SMARCA4: variants seen among roughly 807,000 people sequenced by gnomAD.
SMARCA4 encodes SWI/SNF-related matrix-associated actin-dependent regulator of chromatin subfamily A member 4.
SMARCA4 carries 31 observed loss-of-function variants against 193.9 expected under a neutral mutation model. The observed-to-expected ratio is 0.16, with a 90% CI of 0.12 to 0.22. The LOEUF is 0.22. Ranked by LOEUF, SMARCA4 falls within the 10% of genes least tolerant of loss-of-function variation. The pLI is 1.00. For missense variants in SMARCA4, 1,148 were observed against 2,296.0 expected (o/e 0.50, Z 10.22); for synonymous variants, 942 against 933.1 (o/e 1.01, Z -0.17).
At chr19:11,059,015 C>T (rs2076705757) in intron 32 of SMARCA4, 126 bp downstream of exon 32, 2 of 770,550 alleles carry the variant, frequency 2.6e-6, no homozygotes, top group African/African-American at 1.7e-5. Flanking sequence ...TGGTTCGTGC[C>T]TGTAATCCCA....
At position 11,033,173 on chromosome 19, in the gene SMARCA4, G is replaced by A; in HGVS notation, c.3547-117G>A. ...ATGCGGCGGCAGGTCAGGCTGGGCA[G>A]AATTGTCAGGCCGAGGGTGGCACGC... On this transcript the variant is annotated intron_variant, in intron 25 of 34. Coordinates refer to ENST00000344626, the MANE Select transcript of SMARCA4 (RefSeq NM_003072.5). This position sits in a 1 kb window ranked among gnomAD's most constrained non-coding sequence, Gnocchi z 9.8. 1 of 810,138 alleles carries A rather than the reference G, an allele frequency of 1.2e-6. No homozygotes were observed. Among genetic ancestry groups the A allele is most frequent in the Non-Finnish European group, 2.1e-6 (1 of 470,592 alleles). The allele number at this position is 810,138 out of a possible 1,614,324, so 50.2% of individuals were successfully genotyped here. A position where few individuals can be genotyped will look rare whatever the true frequency, so the allele number is the denominator to read the frequency against.
chr19:10,975,602 C>G (rs2085068491), intron 1 of SMARCA4, among the ~76,000 whole-genome samples: 2 of 152,194 alleles, frequency 1.3e-5, no homozygotes, highest in African/African-American at 4.8e-5. Context: ...AGCCACCACG[C>G]CCAGCCTCTC....
At chr19:11,028,233 A>G (rs1162099939) in intron 24 of SMARCA4, among the ~76,000 whole-genome samples, 4 of 152,238 alleles carry the variant, frequency 2.6e-5, no homozygotes, top group Non-Finnish European at 5.9e-5. Context: ...GCTGGAAGTG[A>G]CAGAATTCCA....
At chr19:10,968,094 G>A (rs1465128746) in intron 1 of SMARCA4, among the ~76,000 whole-genome samples, 2 of 150,138 alleles carry the variant, frequency 1.3e-5, no homozygotes, top group African/African-American at 2.5e-5. Flanking sequence ...CTCATGATCC[G>A]CCCGCCTCAG....
intron 9 of SMARCA4, chr19:10,995,460 T>TA (rs2086945512): frequency 2.2e-6 from 1 of 458,184 alleles, no homozygotes; most frequent in Non-Finnish European, 4.4e-6. Context: ...GAGGGGCAGA[T>TA]ACGCGAATGA....
Position 10,986,280 on chromosome 19 carries a change from A to G in SMARCA4, c.447A>G (p.Pro149=). The G allele has an allele frequency of 6.2e-7, 1 of 1,613,820 alleles. No homozygotes were observed. Among genetic ancestry groups the G allele is most frequent in the Non-Finnish European group, 8.5e-7 (1 of 1,179,982 alleles). Residue 149 remains proline, a synonymous_variant, in exon 4 of 35, where the codon CCA becomes CCG. Coordinates refer to ENST00000344626, the MANE Select transcript of SMARCA4 (RefSeq NM_003072.5). This position sits in a 1 kb window ranked among gnomAD's most constrained non-coding sequence, Gnocchi z 6.7. Reference sequence around the variant, plus strand: ...CGGGGCCCCAGATGTCTTCCGGGCCAGGAGGTGCCCCGCTGGATGGTGCTG... The same window carrying G: ...CGGGGCCCCAGATGTCTTCCGGGCCGGGAGGTGCCCCGCTGGATGGTGCTG... ...PSSGPQMSSG[P]GGAPLDGADP...
At position 11,062,122 on chromosome 19, in the gene SMARCA4, T is replaced by G; in HGVS notation, c.*306T>G. 2.0e-6 allele frequency: 1 copy of G among 493,672 alleles called. No homozygotes were observed. The allele number at this position is 493,672 out of a possible 1,614,324, so 30.6% of individuals were successfully genotyped here. A position where few individuals can be genotyped will look rare whatever the true frequency, so the allele number is the denominator to read the frequency against. ...CTGGCAGTACTGTTGCGCCGCAGTTTGGAGTCACTGTAGTTAAGTGTGGAT... is the reference window on the plus strand; with the variant it reads ...CTGGCAGTACTGTTGCGCCGCAGTTGGGAGTCACTGTAGTTAAGTGTGGAT... On this transcript the variant is annotated 3_prime_UTR_variant, in exon 35 of 35. Transcript: ENST00000344626.
chr19:11,041,508 C>A lies in SMARCA4; in HGVS notation c.4372C>A (p.Leu1458Ile), dbSNP rs1600469027. The change falls in exon 30 of 35, where the codon CTC becomes ATC. Residue 1458 changes from leucine (L) to isoleucine (I), a missense_variant. This residue lies in a region of SMARCA4 where 141 missense variants were observed against 193.0 expected (regional missense o/e 0.73). Coordinates refer to ENST00000344626, the MANE Select transcript of SMARCA4 (RefSeq NM_003072.5). This position sits in a 1 kb window ranked among gnomAD's most constrained non-coding sequence, Gnocchi z 5.6. ...GAAACTCTCCCCTAACCCACCCAAC[C>A]TCACCAAGAAGATGAAGAAGATTGT... ...AEKLSPNPPN[L>I]TKKMKKIVDA... The A allele has an allele frequency of 6.2e-7, 1 of 1,613,946 alleles. No individual in the cohort carries two copies. The highest frequency in any genetic ancestry group is 8.5e-7 in the Non-Finnish European group (1 of 1,180,004).
rs2085934580 is a variant in SMARCA4, at chr19:10,985,375, C to T, written c.325C>T (p.Pro109Ser). Reference protein sequence around the residue: ...RSGGHAGMGPPPSPMDQHSQG... With the variant: ...RSGGHAGMGPSPSPMDQHSQG... ...AGGGGGCCATGCTGGGATGGGGCCC[C>T]CGCCCAGCCCCATGGACCAGCACTC... The change falls in exon 3 of 35, where the codon CCG (proline) becomes TCG (serine). Residue 109 changes from proline to serine, a missense_variant. Physicochemically the swap from Pro to Ser is moderately conservative, Grantham distance 74. Transcript: ENST00000344626. This position sits in a 1 kb window ranked among gnomAD's most constrained non-coding sequence, Gnocchi z 4.5. 6.2e-7 allele frequency: 1 copy of T among 1,613,952 alleles called. No homozygotes were observed. Among genetic ancestry groups the T allele is most frequent in the Non-Finnish European group, 8.5e-7 (1 of 1,179,988 alleles).
chr19:11,053,667 T>C (rs2076389006), intron 30 of SMARCA4, among the ~76,000 whole-genome samples: 1 of 152,040 alleles, frequency 6.6e-6, no homozygotes, highest in Non-Finnish European at 1.5e-5. Flanking sequence ...TCCAGTGCTT[T>C]GGGAGGCTGA....
chr19:11,029,354 A>G (rs1041630363), intron 24 of SMARCA4, among the ~76,000 whole-genome samples: 1 of 152,164 alleles, frequency 6.6e-6, no homozygotes, highest in African/African-American at 2.4e-5. Flanking sequence ...CCTACTCCAT[A>G]AGGACAAGGA....
intron 1 of SMARCA4, among the ~76,000 whole-genome samples, chr19:10,966,527 G>T (rs947249222): frequency 6.6e-6 from 1 of 152,224 alleles, no homozygotes; most frequent in South Asian, 2.1e-4. Flanking sequence ...GGTGGAGGCT[G>T]CAGTAAGCTG....
rs367836094 is a variant in SMARCA4, at chr19:11,060,204, G to C, written c.4911+17G>C. 3 of 1,550,084 alleles carry C rather than the reference G, an allele frequency of 1.9e-6. No individual in the cohort carries two copies. Among genetic ancestry groups the C allele is most frequent in the Non-Finnish European group, 2.6e-6 (3 of 1,146,674 alleles). On this transcript the variant is annotated intron_variant, in intron 34 of 34. Transcript: ENST00000344626. ...CAAGAGGAGGTGAGGCCGGGCCCCC[G>C]AGCAGGCAGAGCTGGCATGTGGCAG...
rs780223957 is a variant in SMARCA4 at position 10,984,223 on chromosome 19, T to C, written c.72T>C (p.Pro24=). 2 of 1,612,590 alleles carry C rather than the reference T, an allele frequency of 1.2e-6. No individual in the cohort carries two copies. Among genetic ancestry groups the C allele is most frequent in the South Asian group, 2.2e-5 (2 of 91,052 alleles). The change falls in exon 2 of 35, where the codon CCT becomes CCC. Residue 24 remains proline (P), a synonymous_variant. Transcript: ENST00000344626. This position sits in a 1 kb window ranked among gnomAD's most constrained non-coding sequence, Gnocchi z 4.3. ...PGPSPGPGPS[P]GAMLGPSPGP... ...CTTCCCCGGGCCCTGGCCCTTCCCC[T>C]GGAGCCATGCTGGGCCCTAGCCCGG...
intron 30 of SMARCA4, among the ~76,000 whole-genome samples, chr19:11,053,847 G>A (rs1199983401): frequency 6.6e-6 from 1 of 152,142 alleles, no homozygotes; most frequent in African/African-American, 2.4e-5. Context: ...GGAGTTGGAG[G>A]CTTCAGTGAG....
chr19:11,035,823 T>C (rs3786721), intron 29 of SMARCA4, among the ~76,000 whole-genome samples: 89,159 of 152,216 alleles, frequency 0.59, 26,496 homozygotes, highest in East Asian at 0.82. Flanking sequence ...CTGGCACTGA[T>C]GTCCTCACTG....
chr19:11,054,258 G>A (rs1053678968), intron 30 of SMARCA4, among the ~76,000 whole-genome samples: 29 of 152,238 alleles, frequency 1.9e-4, no homozygotes, highest in African/African-American at 7.0e-4. Flanking sequence ...GCTTCCTGGT[G>A]TCCAACCCTG....
Position 10,984,335 on chromosome 19 carries a change from G to T in SMARCA4, c.184G>T (p.Gly62Ter), listed in dbSNP as rs2085821126. The T allele has an allele frequency of 6.3e-7, 1 of 1,599,080 alleles. No homozygotes were observed. Reference protein sequence around the residue: ...AGHPIPTQGPGGYPQDNMHQM... With the variant: ...AGHPIPTQGP The stretch of plus-strand genomic sequence containing the variant: ...ACACCCCATCCCCACCCAGGGGCCT[G>T]GAGGGTACCCTCAGGACAACATGCA... The change falls in exon 2 of 35, where the codon GGA becomes TGA. Residue 62 changes from glycine (G) to a stop codon, truncating the protein, a stop_gained. Transcript: ENST00000344626. LOFTEE classifies it high-confidence loss of function. The surrounding 1 kb of genome is among the most constrained non-coding windows in gnomAD (Gnocchi z 4.3).
intron 24 of SMARCA4, 109 bp downstream of exon 24, chr19:11,028,059 C>G: frequency 8.1e-7 from 1 of 1,238,864 alleles, no homozygotes; most frequent in Non-Finnish European, 1.2e-6. Flanking sequence ...CCCAGGCGCT[C>G]TGGGTCCAGT....
Sources: allele counts gnomAD v4.1 joint callset (sites outside exome capture counted in the v4.1 genomes callset), GRCh38; gene constraint gnomAD v4.1.1; regional missense constraint gnomAD v4.1.1; non-coding constraint Gnocchi (gnomAD v3.1); transcripts MANE v1.5; gene names NCBI Gene and HGNC (gene_info 2026-07-23, HGNC 2026-07-21).